Variants in GART observed in about 807,000 individuals in gnomAD.
GART encodes the protein trifunctional purine biosynthetic protein adenosine-3.
GART carries 43 observed loss-of-function variants against 107.2 expected under a neutral mutation model. That is an observed-to-expected ratio of 0.40 (90% confidence interval 0.31 to 0.52). The LOEUF (loss-of-function observed/expected upper bound fraction) is 0.52. GART is among the 20% of genes least tolerant of loss of function. GART has a pLI of 0.52. For missense variants in GART, 1,107 were observed against 1,206.5 expected, an observed-to-expected ratio of 0.92 and a Z score of 1.22; for synonymous variants, 434 against 427.0, an observed-to-expected ratio of 1.02 and a Z score of -0.20.
Position 33,504,250 on chromosome 21 carries a change from G to T in GART, c.2907C>A (p.Val969=). Residue 969 remains valine (V), a synonymous_variant, in exon 22 of 22, where the codon GTC becomes GTA. Coordinates refer to ENST00000381815, the MANE Select transcript of GART (RefSeq NM_000819.5). ...ATTTTACTCTTTCAGAAAGAGTTGC[G>T]ACAGTATCACCCCTCTTCACGGGAA... ...EAVPVKRGDT[V]ATLSERVKLA... 1 of 1,614,144 alleles carries T rather than the reference G, an allele frequency of 6.2e-7. No individual in the cohort carries two copies. Among genetic ancestry groups the T allele is most frequent in the South Asian group, 1.1e-5 (1 of 91,080 alleles).
chr21:33,513,982 C>T (rs1167447871), intron 16 of GART, among the ~76,000 whole-genome samples: 1 of 152,092 alleles, frequency 6.6e-6, no homozygotes, highest in African/African-American at 2.4e-5. Flanking sequence ...TTGAAAAGTC[C>T]TGGCCAGGTG....
At chr21:33,528,040 G>T in intron 10 of GART, 127 bp downstream of exon 10, 1 of 783,064 alleles carries the variant, frequency 1.3e-6, no homozygotes, top group Non-Finnish European at 2.1e-6. Context: ...ACATGGTTAA[G>T]ACCCTCTGAA....
intron 4 of GART, among the ~76,000 whole-genome samples, 157 bp from the exon 5 acceptor site, chr21:33,532,613 C>G (rs2085214357): frequency 6.6e-6 from 1 of 152,178 alleles, no homozygotes; most frequent in Non-Finnish European, 1.5e-5. Flanking sequence ...TACTTCCCAC[C>G]AGGATTTTTT....
rs569533232 is a variant in GART, at chr21:33,524,775, T to G, written c.1292A>C (p.Gln431Pro). The change falls in exon 11 of 22, where the codon CAG becomes CCG. Residue 431 changes from glutamine to proline, a missense_variant. Physicochemically the swap from Gln to Pro is moderately conservative, Grantham distance 76. Transcript: ENST00000381815. ...VGFRAIAFLQ[Q>P]PRSLTYKESG... The stretch of plus-strand genomic sequence containing the variant: ...AACTTGCTTAGAGTTTTACCTGGGC[T>G]GCTGGAGGAAAGCTATGGCACGAAA... 1.6e-4 allele frequency: 265 copies of G among 1,614,230 alleles called. 5 individuals carry two copies. The South Asian group carries it at 2.9e-3, about 18-fold the overall frequency.
At position 33,517,094 on chromosome 21, in the gene GART, G is replaced by A. The variant is rs2084892648; in HGVS notation, c.2002C>T (p.Pro668Ser). The A allele has an allele frequency of 2.5e-6, 4 of 1,613,898 alleles. No homozygotes were observed. Among genetic ancestry groups the A allele is most frequent in the Non-Finnish European group, 3.4e-6 (4 of 1,179,932 alleles). Residue 668 changes from proline to serine, a missense_variant, in exon 16 of 22, where the codon CCT becomes TCT. By Grantham distance (74) the Pro-to-Ser change is moderately conservative. Coordinates refer to ENST00000381815, the MANE Select transcript of GART (RefSeq NM_000819.5). ...TTGACATGTCCTGAACGTAGGACAG[G>A]TAACAGTGAATGGCTGTAGATTCTG... ...PTRIYSHSLLPVLRSGHVKAF... is the reference protein window; with the variant it reads ...PTRIYSHSLLSVLRSGHVKAF...
Position 33,528,565 on chromosome 21 carries a change from G to A in GART, c.851C>T (p.Pro284Leu). The A allele has an allele frequency of 1.2e-6, 2 of 1,607,654 alleles. No homozygotes were observed. The highest frequency in any genetic ancestry group is 1.7e-6 in the Non-Finnish European group (2 of 1,178,592). Residue 284 changes from proline (P) to leucine (L), a missense_variant, in exon 9 of 22, where the codon CCA (proline) becomes CTA (leucine). Physicochemically the swap from Pro to Leu is moderately conservative, Grantham distance 98 (BLOSUM62 -3). Coordinates refer to ENST00000381815, the MANE Select transcript of GART (RefSeq NM_000819.5). ...ACGGCAATTAAACTCTAGAACTTTT[G>A]GGCCATTCTTGGTCAGCATTATTCC... ...YAGIMLTKNG[P>L]KVLEFNCRFG...
chr21:33,520,319 C>T, intron 14 of GART, 45 bp downstream of exon 14: 1 of 1,576,944 alleles, frequency 6.3e-7, no homozygotes, highest in East Asian at 2.2e-5. Flanking sequence ...GGCTAAAACA[C>T]AAAAAGAAGA....
chr21:33,505,777 G>C, intron 19 of GART, 75 bp from the exon 20 acceptor site: 4 of 1,392,378 alleles, frequency 2.9e-6, no homozygotes, highest in Non-Finnish European at 3.9e-6. Flanking sequence ...CCTTTACACA[G>C]ACCATACTTC....
chr21:33,542,040 G>A (rs1225148162), intron 1 of GART, 25 bp downstream of exon 1: 1 of 152,232 alleles, frequency 6.6e-6, no homozygotes, highest in Non-Finnish European at 1.5e-5. Flanking sequence ...CGCGCTCCGT[G>A]TAAAAGCGGA....
intron 16 of GART, among the ~76,000 whole-genome samples, chr21:33,514,239 G>A (rs1046141074): frequency 1.3e-5 from 2 of 152,186 alleles, no homozygotes; most frequent in East Asian, 3.9e-4. Context: ...CGGAACTCCA[G>A]TTGGGGCGAC....
chr21:33,516,510 A>G (rs1162079733), intron 16 of GART, among the ~76,000 whole-genome samples: 1 of 152,196 alleles, frequency 6.6e-6, no homozygotes, highest in Admixed American at 6.5e-5. Flanking sequence ...TTCTATTCCA[A>G]ACTTACTCTT....
intron 4 of GART, among the ~76,000 whole-genome samples, chr21:33,534,116 A>G (rs1337960239): frequency 6.6e-6 from 1 of 152,200 alleles, no homozygotes; most frequent in East Asian, 1.9e-4. Context: ...CAACCCACAT[A>G]ATATTTATTG....
chr21:33,541,870 A>G (rs528357514), intron 1 of GART, among the ~76,000 whole-genome samples, 195 bp downstream of exon 1: 81 of 152,316 alleles, frequency 5.3e-4, no homozygotes, highest in Middle Eastern at 3.4e-3. Flanking sequence ...AGAAAACAGG[A>G]AAAGTAAAAG....
chr21:33,531,537 A>C lies in GART; in HGVS notation c.549T>G (p.Ala183=). The C allele has an allele frequency of 1.2e-6, 2 of 1,611,050 alleles. No individual in the cohort carries two copies. The highest frequency in any genetic ancestry group is 1.7e-6 in the Non-Finnish European group (2 of 1,178,824). ...GTTCTTCAATGACAATTGTTTCTCC[A>C]GCTGCCCCAAAGGCTTTCTCCTGAT... is the stretch of plus-strand genomic sequence containing the variant. The part of the protein sequence containing the change: ...EIMQEKAFGA[A]GETIVIEELL... Residue 183 remains alanine, a synonymous_variant, in exon 6 of 22, where the codon GCT becomes GCG. Coordinates refer to ENST00000381815, the MANE Select transcript of GART (RefSeq NM_000819.5).
At chr21:33,539,636 T>C (rs780943239) in intron 1 of GART, among the ~76,000 whole-genome samples, 1 of 151,362 alleles carries the variant, frequency 6.6e-6, no homozygotes, top group Non-Finnish European at 1.5e-5. Flanking sequence ...GAGATCGCAG[T>C]GAGCCAGGAT....
intron 16 of GART, among the ~76,000 whole-genome samples, chr21:33,513,256 T>G (rs2084821110): frequency 6.6e-6 from 1 of 150,510 alleles, no homozygotes; most frequent in Non-Finnish European, 1.5e-5. Flanking sequence ...TGAGCCACCA[T>G]GCCCAGCCTG....
intron 2 of GART, among the ~76,000 whole-genome samples, chr21:33,537,171 G>C (rs2085322458): frequency 6.6e-6 from 1 of 152,174 alleles, no homozygotes; most frequent in South Asian, 2.1e-4. Flanking sequence ...GTAGTCTCAT[G>C]ATGATCTTAA....
intron 2 of GART, among the ~76,000 whole-genome samples, chr21:33,536,614 G>A (rs763132014): frequency 2.0e-5 from 3 of 152,186 alleles, no homozygotes; most frequent in Non-Finnish European, 2.9e-5. Flanking sequence ...ATTAGGCACA[G>A]TAAGAGATTA....
chr21:33,506,239 G>T, intron 18 of GART, 135 bp from the exon 19 acceptor site: 1 of 891,026 alleles, frequency 1.1e-6, no homozygotes, highest in Non-Finnish European at 1.6e-6. Context: ...CACCTCCCGG[G>T]TTCAAGCAAT....
Sources: allele counts gnomAD v4.1 joint callset (sites outside exome capture counted in the v4.1 genomes callset), GRCh38; gene constraint gnomAD v4.1.1; transcripts MANE v1.5; gene names NCBI Gene and HGNC (gene_info 2026-07-23, HGNC 2026-07-21).